The following NPFFR2 variants were observed in gnomAD, a reference collection of about 807,000 sequenced individuals.
NPFFR2 encodes neuropeptide FF receptor 2, also known as G-protein coupled receptor 74.
NPFFR2 carries 15 observed loss-of-function variants against 13.1 expected under a neutral mutation model. The ratio of observed to expected loss-of-function variants is 1.15; its 90% confidence interval spans 0.77 to 1.76. The LOEUF is 1.76. Among genes scored for constraint, NPFFR2 ranks in the 40% most tolerant of loss-of-function variants. The pLI is 0.00. For synonymous variants in NPFFR2, 190 were observed against 175.7 expected (o/e 1.08, Z -0.65); for missense variants, 572 against 503.5 (o/e 1.14, Z -1.30).
At chr4:72,094,251 G>A (rs1240981444) in intron 1 of NPFFR2, among the ~76,000 whole-genome samples, 3 of 152,168 alleles carry the variant, frequency 2.0e-5, no homozygotes, top group Non-Finnish European at 4.4e-5. Context: ...GAGTGAAGTG[G>A]ACTCCATGAG....
chr4:72,086,337 G>A (rs565136751), intron 1 of NPFFR2, among the ~76,000 whole-genome samples: 31 of 152,168 alleles, frequency 2.0e-4, no homozygotes, highest in East Asian at 1.7e-3. Flanking sequence ...GTCATCTTAC[G>A]TAGATAGCAG....
At chr4:72,103,929 G>A (rs866925328) in intron 1 of NPFFR2, among the ~76,000 whole-genome samples, 10 of 151,608 alleles carry the variant, frequency 6.6e-5, no homozygotes, top group Middle Eastern at 3.4e-3. Flanking sequence ...AAACAGAACC[G>A]GCAAATTTCT....
At chr4:72,080,337 G>A (rs1560404948) in intron 1 of NPFFR2, among the ~76,000 whole-genome samples, 1 of 151,816 alleles carries the variant, frequency 6.6e-6, no homozygotes, top group African/African-American at 2.4e-5. Context: ...GCTAATTTTT[G>A]TATTTTTAGT....
At chr4:72,108,574 A>C (rs142407083) in intron 1 of NPFFR2, among the ~76,000 whole-genome samples, 1 of 152,146 alleles carries the variant, frequency 6.6e-6, no homozygotes, top group East Asian at 1.9e-4. Flanking sequence ...AAAAAACCCC[A>C]AAAGAATTGG....
intron 1 of NPFFR2, among the ~76,000 whole-genome samples, chr4:72,091,525 C>T (rs1043022726): frequency 3.9e-5 from 6 of 152,044 alleles, no homozygotes; most frequent in African/African-American, 1.4e-4. Context: ...TGTTATTAGT[C>T]TGTTCAGTGT....
intron 1 of NPFFR2, among the ~76,000 whole-genome samples, chr4:72,091,118 G>C (rs1720907008): frequency 6.6e-6 from 1 of 151,890 alleles, no homozygotes; most frequent in African/African-American, 2.4e-5. Context: ...TACTTCTCTT[G>C]ATGTGGTGTA....
intron 1 of NPFFR2, among the ~76,000 whole-genome samples, chr4:72,108,978 CACTT>C (rs1389256333): frequency 3.3e-5 from 5 of 151,964 alleles, no homozygotes; most frequent in East Asian, 3.9e-4. Flanking sequence ...GTCTAGTTTT[CACTT>C]ACTTATATTA....
At chr4:72,126,986 T>G (rs960687946) in intron 1 of NPFFR2, among the ~76,000 whole-genome samples, 2 of 151,630 alleles carry the variant, frequency 1.3e-5, no homozygotes, top group African/African-American at 4.8e-5. Context: ...TACCTAGGAG[T>G]AGTTGTGGGG....
chr4:72,051,347 A>G (rs1719572716), intron 1 of NPFFR2, among the ~76,000 whole-genome samples: 1 of 152,134 alleles, frequency 6.6e-6, no homozygotes, highest in African/African-American at 2.4e-5. Context: ...AACTCACTCA[A>G]AACAGCTCAA....
intron 1 of NPFFR2, among the ~76,000 whole-genome samples, chr4:72,090,355 T>G (rs1720885123): frequency 6.6e-6 from 1 of 152,108 alleles, no homozygotes; most frequent in Non-Finnish European, 1.5e-5. Context: ...TCTAGTTCTG[T>G]GAAGATTGAT....
intron 1 of NPFFR2, among the ~76,000 whole-genome samples, chr4:72,107,087 C>A (rs567535175): frequency 6.5e-4 from 98 of 151,828 alleles, no homozygotes; most frequent in Non-Finnish European, 1.2e-3. Context: ...TGATTTTATT[C>A]CTGTTCCTGC....
rs558130494 is a variant in NPFFR2 at position 72,138,098 on chromosome 4, C to T, written c.387C>T (p.Val129=). The change falls in exon 3 of 4, where the codon GTC becomes GTT. Residue 129 remains valine, a synonymous_variant. Transcript: ENST00000308744. ...KISGLVQGIS[V]AASVFTLVAI... is the part of the protein sequence containing the mutation. ...GTGGATTGGTCCAGGGAATATCTGT[C>T]GCAGCTTCAGTCTTTACGTTAGTTG... 22 of 1,613,674 alleles carry T rather than the reference C, an allele frequency of 1.4e-5. No individual in the cohort carries two copies. The highest frequency in any genetic ancestry group is 2.7e-5 in the African/African-American group (2 of 74,998).
intron 1 of NPFFR2, among the ~76,000 whole-genome samples, chr4:72,068,169 A>G (rs758429123): frequency 6.6e-6 from 1 of 152,216 alleles, no homozygotes; most frequent in Non-Finnish European, 1.5e-5. Context: ...ATAACAAAAT[A>G]TCACAGACTG....
At chr4:72,079,387 G>A (rs192468300) in intron 1 of NPFFR2, among the ~76,000 whole-genome samples, 1 of 152,124 alleles carries the variant, frequency 6.6e-6, no homozygotes, top group East Asian at 1.9e-4. Context: ...GAAAGATTTT[G>A]TGGTTTGATG....
Position 72,032,037 on chromosome 4 carries a change from G to T in NPFFR2, c.-171G>T. 1.2e-6 allele frequency: 2 copies of T among 1,614,002 alleles called. No homozygotes were observed. Among genetic ancestry groups the T allele is most frequent in the South Asian group, 2.2e-5 (2 of 91,060 alleles). ...GCAGCGCGGCGGGCCAGCCTGGAGC[G>T]GAAGCCTGGAGTGGAGCAGGCAGTC... is the stretch of plus-strand genomic sequence containing the variant. On this transcript the variant is annotated 5_prime_UTR_variant, in exon 1 of 4. Transcript: ENST00000308744.
rs1329808714 is a variant in NPFFR2, at chr4:72,032,432, C to T, written c.-8+232C>T. ...TGGCTGTGGCCCCAGGCTTGCAGAG[C>T]AGGGACCTGGTCAAGGGATGTGGGG... is the stretch of plus-strand genomic sequence containing the variant. On this transcript the variant is annotated intron_variant, in intron 1 of 3. Transcript: ENST00000308744. Among the ~76,000 whole-genome samples the T allele has an allele frequency of 2.0e-5, 3 of 152,224 alleles. 1 individual carries two copies. The East Asian group carries it at 5.8e-4, about 29-fold the overall frequency.
At chr4:72,110,244 TTGC>T (rs1490982125) in intron 1 of NPFFR2, among the ~76,000 whole-genome samples, 1 of 152,012 alleles carries the variant, frequency 6.6e-6, no homozygotes, top group Non-Finnish European at 1.5e-5. Flanking sequence ...AGCACTTCTC[TTGC>T]TGCTACCATG....
At chr4:72,033,367 T>C (rs1263191442) in intron 1 of NPFFR2, among the ~76,000 whole-genome samples, 1 of 152,172 alleles carries the variant, frequency 6.6e-6, no homozygotes, top group African/African-American at 2.4e-5. Context: ...AAAACAGTGA[T>C]GCAATATAGT....
intron 1 of NPFFR2, among the ~76,000 whole-genome samples, chr4:72,055,257 A>G (rs1719709870): frequency 6.6e-6 from 1 of 151,716 alleles, no homozygotes; most frequent in African/African-American, 2.4e-5. Flanking sequence ...CCCCAAGCGC[A>G]TAGGCTCACT....
Sources: allele counts gnomAD v4.1 joint callset (sites outside exome capture counted in the v4.1 genomes callset), GRCh38; gene constraint gnomAD v4.1.1; transcripts MANE v1.5; gene names NCBI Gene and HGNC (gene_info 2026-07-23, HGNC 2026-07-21).